NRXN3: variants seen among roughly 807,000 people sequenced by gnomAD.
NRXN3 encodes neurexin III.
In NRXN3, 32 loss-of-function variants were observed where a neutral mutation model predicts 137.6. That is an observed-to-expected ratio of 0.23 (90% CI 0.18 to 0.31). NRXN3 has a LOEUF of 0.31. NRXN3 is among the 10% of genes least tolerant of loss of function. The pLI, the probability that NRXN3 is intolerant of heterozygous loss-of-function variation, is 1.00. For missense variants in NRXN3, 1,574 were observed against 2,062.5 expected (o/e 0.76, Z 4.59); for synonymous variants, 798 against 784.5 (o/e 1.02, Z -0.29).
chr14:79,079,378 T>A (rs1319873000), intron 15 of NRXN3, among the ~76,000 whole-genome samples: 1 of 152,142 alleles, frequency 6.6e-6, no homozygotes, highest in Non-Finnish European at 1.5e-5. Flanking sequence ...TATAAATATA[T>A]CACTGAAATA....
chr14:79,278,664 T>C (rs139849534), intron 15 of NRXN3, among the ~76,000 whole-genome samples: 35 of 152,332 alleles, frequency 2.3e-4, no homozygotes, highest in African/African-American at 8.4e-4. Context: ...CCTCTGGATT[T>C]TGAATCCCAA....
chr14:78,575,267 ACAATGGC>A (rs1367275209), intron 4 of NRXN3, among the ~76,000 whole-genome samples: 1 of 152,218 alleles, frequency 6.6e-6, no homozygotes, highest in Non-Finnish European at 1.5e-5. Flanking sequence ...ACAGACTAAT[ACAATGGC>A]CAAGAAGTGA....
intron 4 of NRXN3, among the ~76,000 whole-genome samples, chr14:78,564,223 A>G (rs1004044084): frequency 1.3e-5 from 2 of 152,180 alleles, no homozygotes; most frequent in East Asian, 1.9e-4. Context: ...GATGCCAATA[A>G]CTGGCTGACT....
At chr14:78,878,505 T>C (rs923236732) in intron 10 of NRXN3, among the ~76,000 whole-genome samples, 1 of 152,168 alleles carries the variant, frequency 6.6e-6, no homozygotes, top group East Asian at 1.9e-4. Flanking sequence ...AAATTTTTTT[T>C]CTATTGTACA....
chr14:78,241,384 C>A (rs2153451872), intron 1 of NRXN3, among the ~76,000 whole-genome samples: 1 of 152,208 alleles, frequency 6.6e-6, no homozygotes, highest in East Asian at 1.9e-4. Flanking sequence ...AATCCCAGCA[C>A]TTTGGGAGGC....
At chr14:78,907,427 T>G (rs2099221412) in intron 10 of NRXN3, among the ~76,000 whole-genome samples, 1 of 152,060 alleles carries the variant, frequency 6.6e-6, no homozygotes, top group South Asian at 2.1e-4. Context: ...CATGTGAGCT[T>G]TGAATTATGT....
chr14:79,753,194 A>G (rs1311468867), intron 19 of NRXN3, among the ~76,000 whole-genome samples: 1 of 152,028 alleles, frequency 6.6e-6, no homozygotes, highest in East Asian at 1.9e-4. Flanking sequence ...TAGAAATACC[A>G]TTTGACCCAG....
At chr14:79,536,321 A>T (rs1408592611) in intron 16 of NRXN3, among the ~76,000 whole-genome samples, 1 of 152,184 alleles carries the variant, frequency 6.6e-6, no homozygotes, top group Non-Finnish European at 1.5e-5. Flanking sequence ...TGTTGATTTT[A>T]GCTCTGGGGA....
At chr14:79,737,533 C>T (rs1043501580) in intron 19 of NRXN3, among the ~76,000 whole-genome samples, 74 of 152,264 alleles carry the variant, frequency 4.9e-4, no homozygotes, top group Admixed American at 4.7e-3. Context: ...GATACTATGT[C>T]TCAGCACGGA....
At chr14:78,794,094 C>T (rs1322357340) in intron 8 of NRXN3, among the ~76,000 whole-genome samples, 1 of 152,106 alleles carries the variant, frequency 6.6e-6, no homozygotes, top group East Asian at 1.9e-4. Flanking sequence ...CAAATAATAA[C>T]ACCAGACTGG....
chr14:79,359,806 C>A (rs2093622210), intron 15 of NRXN3, among the ~76,000 whole-genome samples: 1 of 151,940 alleles, frequency 6.6e-6, no homozygotes, highest in African/African-American at 2.4e-5. Flanking sequence ...AGGGAATCAC[C>A]CTTGCAAGCC....
intron 6 of NRXN3, among the ~76,000 whole-genome samples, chr14:78,657,991 C>A (rs991942801): frequency 2.3e-4 from 35 of 152,166 alleles, no homozygotes; most frequent in African/African-American, 7.7e-4. Flanking sequence ...TTCCCCATCT[C>A]CGTTCCGTTT....
chr14:78,501,346 C>G (rs2095873295), intron 4 of NRXN3, among the ~76,000 whole-genome samples: 1 of 152,156 alleles, frequency 6.6e-6, no homozygotes, highest in Non-Finnish European at 1.5e-5. Context: ...TAGTTCCTCA[C>G]TGGCTATTGG....
chr14:79,385,005 TGA>T (rs1249328863), intron 15 of NRXN3, among the ~76,000 whole-genome samples: 1 of 152,192 alleles, frequency 6.6e-6, no homozygotes, highest in Non-Finnish European at 1.5e-5. Context: ...GTTTCTCAAC[TGA>T]GATATTATAG....
chr14:78,216,292 C>T (rs760170218), intron 1 of NRXN3, among the ~76,000 whole-genome samples: 17 of 151,988 alleles, frequency 1.1e-4, no homozygotes, highest in African/African-American at 2.2e-4. Flanking sequence ...GTGCCGATGA[C>T]AGTTTGCATT....
At chr14:79,468,204 A>T (rs1157286523) in intron 16 of NRXN3, among the ~76,000 whole-genome samples, 1 of 152,264 alleles carries the variant, frequency 6.6e-6, no homozygotes, top group Non-Finnish European at 1.5e-5. Context: ...GCAAAGGCTA[A>T]GAAATTAAAA....
chr14:79,853,669 C>A, intron 20 of NRXN3: 1 of 1,302,330 alleles, frequency 7.7e-7, no homozygotes, highest in Non-Finnish European at 1.0e-6. Flanking sequence ...CCCCTTCCTG[C>A]ATCTTTCCTT....
At chr14:79,033,522 C>T (rs1481557639) in intron 15 of NRXN3, among the ~76,000 whole-genome samples, 3 of 152,048 alleles carry the variant, frequency 2.0e-5, no homozygotes, top group South Asian at 2.1e-4. Flanking sequence ...ATATCTGGAA[C>T]GATGAGTATC....
chr14:78,549,961 AG>A (rs2096670732), intron 4 of NRXN3, among the ~76,000 whole-genome samples: 1 of 152,068 alleles, frequency 6.6e-6, no homozygotes, highest in African/African-American at 2.4e-5. Flanking sequence ...TTAGTAAAAA[AG>A]CACCTCTAGG....
Sources: allele counts gnomAD v4.1 joint callset (sites outside exome capture counted in the v4.1 genomes callset), GRCh38; gene constraint gnomAD v4.1.1; transcripts MANE v1.5; gene names NCBI Gene and HGNC (gene_info 2026-07-23, HGNC 2026-07-21).